The following PLPPR5 variants were observed in gnomAD, a reference collection of about 807,000 sequenced individuals.
PLPPR5 encodes phospholipid phosphatase-related protein type 5.
A neutral mutation model predicts 33.9 loss-of-function variants in PLPPR5; 16 were observed. The observed-to-expected ratio is 0.47, with a 90% CI of 0.32 to 0.72. The LOEUF (loss-of-function observed/expected upper bound fraction) is 0.72. Among genes scored for constraint, PLPPR5 ranks in the 30% least tolerant of loss-of-function variants. The pLI is 0.03. For missense variants in PLPPR5, 301 were observed against 406.7 expected, an observed-to-expected ratio of 0.74 and a Z score of 2.23; for synonymous variants, 163 against 150.3, an observed-to-expected ratio of 1.08 and a Z score of -0.62.
At chr1:99,000,747 G>T (rs1451166759) in intron 1 of PLPPR5, among the ~76,000 whole-genome samples, 4 of 152,066 alleles carry the variant, frequency 2.6e-5, no homozygotes. Flanking sequence ...GCATGGATAT[G>T]CATATATACA....
At chr1:98,941,655 A>G (rs1218359237) in intron 3 of PLPPR5, among the ~76,000 whole-genome samples, 1 of 151,694 alleles carries the variant, frequency 6.6e-6, no homozygotes, top group Admixed American at 6.6e-5. Context: ...TAATAGAAAG[A>G]TGCCTGATTA....
At chr1:98,973,495 G>A (rs535440478) in intron 1 of PLPPR5, among the ~76,000 whole-genome samples, 1 of 151,846 alleles carries the variant, frequency 6.6e-6, no homozygotes, top group Non-Finnish European at 1.5e-5. Context: ...TAAACAGAGT[G>A]GACACTGGGA....
At chr1:98,931,995 C>T (rs1649994797) in intron 3 of PLPPR5, among the ~76,000 whole-genome samples, 2 of 152,066 alleles carry the variant, frequency 1.3e-5, no homozygotes, top group African/African-American at 4.8e-5. Context: ...TGGATGCGTG[C>T]TTATGTGCAC....
chr1:99,004,850 C>T lies in PLPPR5; in HGVS notation c.-179G>A, dbSNP rs1005892224. The stretch of plus-strand genomic sequence containing the variant: ...GCGGAGGCAGGTCCGGGCTTCGAGG[C>T]GCCGGCAGGCTGCAGAGGAGGCGGC... On this transcript the variant is annotated 5_prime_UTR_variant, in exon 1 of 6. Coordinates refer to ENST00000263177, the MANE Select transcript of PLPPR5 (RefSeq NM_001037317.2). The T allele has an allele frequency of 1.5e-5, 4 of 266,982 alleles. No individual in the cohort carries two copies. Among genetic ancestry groups the T allele is most frequent in the Admixed American group, 1.1e-4 (2 of 18,164 alleles). 16.5% of individuals were successfully genotyped at this position (266,982 alleles called of 1,614,324 possible).
At chr1:98,901,971 T>C (rs1443419392) in intron 5 of PLPPR5, among the ~76,000 whole-genome samples, 2 of 152,078 alleles carry the variant, frequency 1.3e-5, no homozygotes, top group African/African-American at 4.8e-5. Flanking sequence ...AGCACAGTGA[T>C]TATGATTTGG....
chr1:98,899,435 T>A (rs558426279), intron 5 of PLPPR5, among the ~76,000 whole-genome samples: 18 of 152,312 alleles, frequency 1.2e-4, no homozygotes, highest in African/African-American at 4.3e-4. Context: ...ATTAATGAAG[T>A]AAGCATTATC....
intron 5 of PLPPR5, among the ~76,000 whole-genome samples, chr1:98,904,744 T>A (rs1648834303): frequency 1.3e-5 from 2 of 152,040 alleles, no homozygotes; most frequent in African/African-American, 4.8e-5. Context: ...CCTATGAGGA[T>A]CATCTGGAAG....
At chr1:98,948,781 C>T (rs1650653341) in intron 3 of PLPPR5, among the ~76,000 whole-genome samples, 1 of 152,144 alleles carries the variant, frequency 6.6e-6, no homozygotes, top group Non-Finnish European at 1.5e-5. Flanking sequence ...TCTGAATTAG[C>T]TGAATGTGTC....
intron 2 of PLPPR5, 149 bp from the exon 3 acceptor site, chr1:98,953,469 C>A: frequency 1.6e-6 from 2 of 1,249,936 alleles, no homozygotes; most frequent in Middle Eastern, 2.8e-4. Flanking sequence ...TACATAGTTC[C>A]TTTTATTTCA....
At chr1:98,909,653 G>A (rs943918181) in intron 5 of PLPPR5, among the ~76,000 whole-genome samples, 3 of 152,052 alleles carry the variant, frequency 2.0e-5, no homozygotes, top group Non-Finnish European at 4.4e-5. Flanking sequence ...GCATTTAAGT[G>A]AGTTGCCTAA....
chr1:99,004,421 G>T lies in PLPPR5; in HGVS notation c.237+14C>A, dbSNP rs573406146. ...CAGGGACTCGGCGACGAGGGCGAGCGCCCCCGGGCTTACCACGAGCACGGG... is the reference window on the plus strand; with the variant it reads ...CAGGGACTCGGCGACGAGGGCGAGCTCCCCCGGGCTTACCACGAGCACGGG... On this transcript the variant is annotated intron_variant, in intron 1 of 5. Transcript: ENST00000263177. 11 of 1,578,360 alleles carry T rather than the reference G, an allele frequency of 7.0e-6. No individual in the cohort carries two copies. The highest frequency in any genetic ancestry group is 9.5e-6 in the Non-Finnish European group (11 of 1,158,724).
intron 3 of PLPPR5, among the ~76,000 whole-genome samples, chr1:98,944,804 T>C (rs569984150): frequency 1.2e-4 from 18 of 152,124 alleles, no homozygotes; most frequent in Non-Finnish European, 1.6e-4. Flanking sequence ...ATTCTAGGGA[T>C]TGATGTGTCA....
chr1:99,002,187 A>T (rs1465137888), intron 1 of PLPPR5, among the ~76,000 whole-genome samples: 2 of 152,076 alleles, frequency 1.3e-5, no homozygotes, highest in Non-Finnish European at 2.9e-5. Context: ...AGAAGGGAAA[A>T]CAAATGCCAG....
At chr1:98,952,761 G>A (rs917145336) in intron 3 of PLPPR5, among the ~76,000 whole-genome samples, 6 of 152,166 alleles carry the variant, frequency 3.9e-5, no homozygotes, top group African/African-American at 1.4e-4. Flanking sequence ...ACAAGTTCAT[G>A]GGGAATGCTA....
At chr1:98,968,158 T>C (rs1651518478) in intron 1 of PLPPR5, among the ~76,000 whole-genome samples, 1 of 152,020 alleles carries the variant, frequency 6.6e-6, no homozygotes, top group African/African-American at 2.4e-5. Flanking sequence ...ACCACTCACA[T>C]AAAGGTAGCA....
chr1:98,937,097 A>G (rs1557675951), intron 3 of PLPPR5, among the ~76,000 whole-genome samples: 1 of 152,196 alleles, frequency 6.6e-6, no homozygotes, highest in Non-Finnish European at 1.5e-5. Context: ...GCCTGCAGAG[A>G]TCAGAACATG....
At chr1:98,952,774 A>G (rs969723844) in intron 3 of PLPPR5, among the ~76,000 whole-genome samples, 1 of 152,194 alleles carries the variant, frequency 6.6e-6, no homozygotes, top group African/African-American at 2.4e-5. Context: ...GAATGCTACA[A>G]CAAATTTGTT....
chr1:98,974,036 G>A (rs1219823368), intron 1 of PLPPR5, among the ~76,000 whole-genome samples: 1 of 152,022 alleles, frequency 6.6e-6, no homozygotes, highest in Non-Finnish European at 1.5e-5. Context: ...GCTTAAAGCC[G>A]CGGGAAAGCA....
At chr1:98,939,400 G>A (rs12402063) in intron 3 of PLPPR5, among the ~76,000 whole-genome samples, 30,280 of 151,626 alleles carry the variant, frequency 0.2, 4,069 homozygotes, top group Non-Finnish European at 0.28. Context: ...CCTTAAAAAG[G>A]GGACCAGCCT....
Sources: allele counts gnomAD v4.1 joint callset (sites outside exome capture counted in the v4.1 genomes callset), GRCh38; gene constraint gnomAD v4.1.1; transcripts MANE v1.5; gene names NCBI Gene and HGNC (gene_info 2026-07-23, HGNC 2026-07-21).